Variants in PCDH15 observed in about 807,000 individuals in gnomAD.
PCDH15 encodes protocadherin-15.
Under a neutral mutation model 178.5 loss-of-function variants are expected in PCDH15, and 129 were observed. The ratio of observed to expected loss-of-function variants is 0.72; its 90% CI spans 0.63 to 0.84. The LOEUF is 0.84. PCDH15 is among the 40% of genes least tolerant of loss of function. PCDH15 has a pLI of 0.00. For synonymous variants in PCDH15, 800 were observed against 732.0 expected (o/e 1.09, Z -1.50); for missense variants, 2,230 against 2,099.9 (o/e 1.06, Z -1.21).
chr10:54,790,246 G>T (rs1255300797), intron 1 of PCDH15, among the ~76,000 whole-genome samples: 2 of 151,704 alleles, frequency 1.3e-5, no homozygotes, highest in African/African-American at 4.8e-5. Flanking sequence ...ATACACAGAA[G>T]ATTTCCAAAG....
rs775022895 is a variant in PCDH15 at position 54,132,885 on chromosome 10, A to G, written c.1907T>C (p.Leu636Ser). Residue 636 changes from leucine to serine, a missense_variant, in exon 15 of 38, where the codon TTA becomes TCA. Transcript: ENST00000644397. ...CACCAAGGAACATACCTGTAGATTT[A>G]ATAAAACAGCACCAACCCTCATGGC... ...SEAMRVGAVL[L>S]NLQATDREGD... 6.2e-7 allele frequency: 1 copy of G among 1,613,052 alleles called. No individual in the cohort carries two copies. The highest frequency in any genetic ancestry group is 2.2e-5 in the East Asian group (1 of 44,752).
chr10:54,911,876 C>T (rs1432332838), intron 2 of PCDH15, among the ~76,000 whole-genome samples: 2 of 152,200 alleles, frequency 1.3e-5, no homozygotes, highest in Admixed American at 6.5e-5. Flanking sequence ...CCATGCAGAA[C>T]TGTGAGTCAA....
chr10:54,480,298 G>A (rs1027394097), intron 3 of PCDH15, among the ~76,000 whole-genome samples: 1 of 152,066 alleles, frequency 6.6e-6, no homozygotes, highest in Non-Finnish European at 1.5e-5. Flanking sequence ...ATCAGTAGGA[G>A]ACATTTAGTA....
intron 2 of PCDH15, among the ~76,000 whole-genome samples, chr10:55,429,260 G>T (rs1838827454): frequency 6.6e-6 from 1 of 152,148 alleles, no homozygotes; most frequent in South Asian, 2.1e-4. Flanking sequence ...TTATAAGATG[G>T]ATTTGCTGGT....
chr10:54,916,235 C>T (rs113645805), intron 2 of PCDH15, among the ~76,000 whole-genome samples: 1,796 of 152,308 alleles, frequency 0.012, 36 homozygotes, highest in African/African-American at 0.042. Flanking sequence ...GCTGGGATTA[C>T]AGGCATGAGC....
chr10:54,643,135 G>A (rs2094032015), intron 2 of PCDH15, among the ~76,000 whole-genome samples: 1 of 152,118 alleles, frequency 6.6e-6, no homozygotes, highest in African/African-American at 2.4e-5. Flanking sequence ...ATGTTGGCCA[G>A]GCTGGTCTCA....
At chr10:53,987,274 C>A (rs1589778159) in intron 21 of PCDH15, among the ~76,000 whole-genome samples, 1 of 151,774 alleles carries the variant, frequency 6.6e-6, no homozygotes, top group East Asian at 1.9e-4. Flanking sequence ...AAACTTTTGA[C>A]CCAAGACTCT....
intron 1 of PCDH15, among the ~76,000 whole-genome samples, chr10:55,312,554 T>C (rs1459811303): frequency 1.3e-5 from 2 of 152,082 alleles, no homozygotes; most frequent in Non-Finnish European, 2.9e-5. Context: ...GATGCTCTCA[T>C]TGAATATATA....
At chr10:54,883,074 T>A (rs1464567453) in intron 3 of PCDH15, among the ~76,000 whole-genome samples, 1 of 140,120 alleles carries the variant, frequency 7.1e-6, no homozygotes, top group Admixed American at 7.6e-5. Flanking sequence ...TCTTCCCAAG[T>A]TGGAGTTGCA....
intron 1 of PCDH15, among the ~76,000 whole-genome samples, chr10:55,315,618 T>C (rs992256306): frequency 3.3e-5 from 5 of 152,180 alleles, no homozygotes; most frequent in Admixed American, 1.3e-4. Context: ...TATCTACTCA[T>C]CAACCTTGCT....
chr10:55,555,463 G>A (rs747009308), intron 2 of PCDH15, among the ~76,000 whole-genome samples: 16 of 152,042 alleles, frequency 1.1e-4, no homozygotes, highest in African/African-American at 1.7e-4. Context: ...GCATTTATAC[G>A]GATATCTTTC....
intron 5 of PCDH15, among the ~76,000 whole-genome samples, chr10:54,358,348 A>C (rs1035508815): frequency 6.6e-6 from 1 of 151,974 alleles, no homozygotes; most frequent in Non-Finnish European, 1.5e-5. Flanking sequence ...AAAAGTGGGC[A>C]AAGGACATGA....
At chr10:55,625,411 T>C (rs548456698) in intron 2 of PCDH15, among the ~76,000 whole-genome samples, 1 of 152,304 alleles carries the variant, frequency 6.6e-6, no homozygotes. Context: ...TCAAGTTCAT[T>C]AACACTAAGC....
chr10:53,878,267 A>G (rs1413327707), intron 26 of PCDH15, among the ~76,000 whole-genome samples: 1 of 138,716 alleles, frequency 7.2e-6, no homozygotes, highest in Non-Finnish European at 1.5e-5. Flanking sequence ...ACAGTAAACT[A>G]TGGCATACAC....
intron 21 of PCDH15, among the ~76,000 whole-genome samples, chr10:53,970,389 A>T (rs2089547493): frequency 6.6e-6 from 1 of 152,274 alleles, no homozygotes; most frequent in Admixed American, 6.5e-5. Flanking sequence ...AAAGAGACTT[A>T]GACTTCCACA....
At chr10:54,962,358 C>A (rs1232303823) in intron 2 of PCDH15, among the ~76,000 whole-genome samples, 1 of 152,152 alleles carries the variant, frequency 6.6e-6, no homozygotes, top group African/African-American at 2.4e-5. Flanking sequence ...TGGGCCAGAG[C>A]AGGGTGGTGG....
chr10:54,588,037 C>A (rs2091622017), intron 2 of PCDH15, among the ~76,000 whole-genome samples: 1 of 151,984 alleles, frequency 6.6e-6, no homozygotes. Flanking sequence ...AATATTTATT[C>A]TTGATTATTA....
intron 25 of PCDH15, among the ~76,000 whole-genome samples, chr10:53,925,219 G>A (rs186702921): frequency 1.7e-3 from 253 of 152,186 alleles, no homozygotes; most frequent in South Asian, 4.1e-3. Flanking sequence ...CACTCACCGC[G>A]AAGGTCTGCA....
intron 1 of PCDH15, among the ~76,000 whole-genome samples, chr10:55,262,345 A>G (rs1327193353): frequency 6.7e-6 from 1 of 150,206 alleles, no homozygotes; most frequent in East Asian, 2.0e-4. Flanking sequence ...GGATCTAGTG[A>G]CGACAGGCAT....
Sources: allele counts gnomAD v4.1 joint callset (sites outside exome capture counted in the v4.1 genomes callset), GRCh38; gene constraint gnomAD v4.1.1; transcripts MANE v1.5; gene names NCBI Gene and HGNC (gene_info 2026-07-23, HGNC 2026-07-21).